The following MTHFSD variants were observed in gnomAD, a reference collection of about 807,000 sequenced individuals.
MTHFSD encodes the protein methenyltetrahydrofolate synthetase domain containing.
In MTHFSD, 37 loss-of-function variants were observed where a neutral mutation model predicts 31.1. That is an observed-to-expected ratio of 1.19 (90% confidence interval 0.91 to 1.56). The LOEUF is 1.56. MTHFSD is among the 40% of genes most tolerant of loss of function. The pLI, the probability that MTHFSD is intolerant of heterozygous loss-of-function variation, is 0.00. For missense variants in MTHFSD, 664 were observed against 510.1 expected (o/e 1.30, Z -2.91); for synonymous variants, 221 against 206.9 (o/e 1.07, Z -0.59).
rs1969995468 is a variant in MTHFSD, at chr16:86,531,607, CT to C, written c.*403del. 6.3e-6 allele frequency: 1 copy of C among 158,342 alleles called. No homozygotes were observed. The highest frequency in any genetic ancestry group is 1.4e-5 in the Non-Finnish European group (1 of 72,336). The allele number at this position is 158,342 out of a possible 1,614,324, so 9.8% of individuals were successfully genotyped here. On this transcript the variant is annotated 3_prime_UTR_variant, in exon 8 of 8. Coordinates refer to ENST00000360900, the MANE Select transcript of MTHFSD (RefSeq NM_001159377.2). The surrounding 1 kb of genome is among the most constrained non-coding windows in gnomAD (Gnocchi z 5.5). ...CCCAGCATCCAGTCCCTGCCAGGGCCTTTTGAGAGCCGGATCCTTTGTTCAT... is the reference window on the plus strand; with the variant it reads ...CCCAGCATCCAGTCCCTGCCAGGGCCTTTGAGAGCCGGATCCTTTGTTCAT...
chr16:86,532,009 G>A lies in MTHFSD; in HGVS notation c.*2C>T. 6.8e-7 allele frequency: 1 copy of A among 1,466,054 alleles called. No homozygotes were observed. The highest frequency in any genetic ancestry group is 1.4e-5 in the South Asian group (1 of 71,662). 90.8% of individuals were successfully genotyped at this position (1,466,054 alleles called of 1,614,324 possible). A position where few individuals can be genotyped will look rare whatever the true frequency, so the allele number is the denominator to read the frequency against. Reference sequence around the variant, plus strand: ...CAGTGAGCTCCGTGGCTGTCCACGAGGTCACTTGTCCCTCTGCTGCCTGGC... The same window carrying A: ...CAGTGAGCTCCGTGGCTGTCCACGAAGTCACTTGTCCCTCTGCTGCCTGGC... On this transcript the variant is annotated 3_prime_UTR_variant, in exon 8 of 8. Transcript: ENST00000360900.
At position 86,532,329 on chromosome 16, in the gene MTHFSD, C is replaced by A; in HGVS notation, c.834G>T (p.Arg278Ser). The change falls in exon 8 of 8, where the codon AGG (arginine) becomes AGT (serine). Residue 278 changes from arginine (R) to serine (S), a missense_variant. Physicochemically the swap from Arg to Ser is moderately radical, Grantham distance 110. Transcript: ENST00000360900. ...QQTVPLSVGR[R>S]PPDTPGPETN... ...TTTCTGGTCCGGGTGTGTCCGGGGG[C>A]CTCCTGCCAACACTCAGGGGCACTG... 6.3e-7 allele frequency: 1 copy of A among 1,595,150 alleles called. No homozygotes were observed. Among genetic ancestry groups the A allele is most frequent in the Non-Finnish European group, 8.5e-7 (1 of 1,171,604 alleles).
At position 86,531,775 on chromosome 16, in the gene MTHFSD, G is replaced by C; in HGVS notation, c.*236C>G. On this transcript the variant is annotated 3_prime_UTR_variant, in exon 8 of 8. Transcript: ENST00000360900. This position sits in a 1 kb window ranked among gnomAD's most constrained non-coding sequence, Gnocchi z 5.5. ...ACCGACTCAAGGCCCGAGCCTGCAC[G>C]ATTGGGAGGCTGCAGTCTCTGCGCG... 5.3e-6 allele frequency: 2 copies of C among 375,874 alleles called. No homozygotes were observed. The highest frequency in any genetic ancestry group is 1.3e-3 in the Middle Eastern group (2 of 1,506). The allele number at this position is 375,874 out of a possible 1,614,324, so 23.3% of individuals were successfully genotyped here. A position where few individuals can be genotyped will look rare whatever the true frequency, so the allele number is the denominator to read the frequency against.
chr16:86,535,103 T>C, intron 7 of MTHFSD: 1 of 424,792 alleles, frequency 2.4e-6, no homozygotes, highest in Non-Finnish European at 3.1e-6. Context: ...GCTCCTTTAT[T>C]CTGAGCCAGC....
intron 7 of MTHFSD, among the ~76,000 whole-genome samples, chr16:86,536,907 C>G (rs550974801): frequency 6.6e-6 from 1 of 152,234 alleles, no homozygotes; most frequent in East Asian, 1.9e-4. Context: ...CGCAGACATG[C>G]TTGAGCTTTC....
chr16:86,541,910 G>T (rs1168410013), intron 6 of MTHFSD, 88 bp from the exon 7 acceptor site: 1 of 1,552,020 alleles, frequency 6.4e-7, no homozygotes. Flanking sequence ...CGTGAGGCTG[G>T]CTAGAGAAGC....
At chr16:86,532,608 C>A in intron 7 of MTHFSD, 127 bp from the exon 8 acceptor site, 1 of 672,672 alleles carries the variant, frequency 1.5e-6, no homozygotes, top group Non-Finnish European at 2.2e-6. Flanking sequence ...GGTCTGAGCC[C>A]CAGGGACATG....
chr16:86,537,355 C>G (rs1597328901), intron 7 of MTHFSD, among the ~76,000 whole-genome samples: 1 of 152,108 alleles, frequency 6.6e-6, no homozygotes, highest in East Asian at 1.9e-4. Flanking sequence ...ACCACATGCA[C>G]TTTCTCCTGC....
intron 4 of MTHFSD, among the ~76,000 whole-genome samples, chr16:86,547,723 AT>A (rs1329960280): frequency 6.6e-6 from 1 of 152,090 alleles, no homozygotes; most frequent in Non-Finnish European, 1.5e-5. Context: ...ATCAAATTCT[AT>A]TTTTGGAATA....
chr16:86,545,672 TC>T (rs760071802), intron 5 of MTHFSD, among the ~76,000 whole-genome samples: 96 of 151,854 alleles, frequency 6.3e-4, no homozygotes, highest in Non-Finnish European at 1.2e-3. Flanking sequence ...AGACTCCCCT[TC>T]CCCCTCCCGT....
chr16:86,551,386 A>G (rs1973121698), intron 3 of MTHFSD, among the ~76,000 whole-genome samples: 1 of 152,242 alleles, frequency 6.6e-6, no homozygotes, highest in South Asian at 2.1e-4. Flanking sequence ...AAGCATCATA[A>G]TACCACAACT....
intron 3 of MTHFSD, among the ~76,000 whole-genome samples, chr16:86,549,564 C>A (rs1388441888): frequency 6.6e-6 from 1 of 152,208 alleles, no homozygotes; most frequent in East Asian, 1.9e-4. Flanking sequence ...GTGTTGGAGT[C>A]CTGTGCCCCA....
intron 3 of MTHFSD, among the ~76,000 whole-genome samples, chr16:86,549,571 C>T (rs1972837895): frequency 6.6e-6 from 1 of 152,176 alleles, no homozygotes; most frequent in Admixed American, 6.5e-5. Flanking sequence ...AGTCCTGTGC[C>T]CCACATATGG....
chr16:86,533,665 C>A (rs945366053), intron 7 of MTHFSD: 65 of 152,222 alleles, frequency 4.3e-4, no homozygotes, highest in African/African-American at 1.5e-3. Context: ...GAGAGAGGAG[C>A]CTTTGTGAGG....
chr16:86,539,603 G>T (rs1971202080), intron 7 of MTHFSD, among the ~76,000 whole-genome samples: 1 of 152,170 alleles, frequency 6.6e-6, no homozygotes, highest in Non-Finnish European at 1.5e-5. Context: ...TGGCCACCTG[G>T]TTTCCTTTCT....
At chr16:86,546,513 T>G in intron 5 of MTHFSD, 46 bp downstream of exon 5, 1 of 1,554,038 alleles carries the variant, frequency 6.4e-7, no homozygotes, top group Non-Finnish European at 8.9e-7. Flanking sequence ...GCAGCCGCCT[T>G]CAGGCAGAGC....
rs779874337 is a variant in MTHFSD at position 86,554,648 on chromosome 16, A to C, written c.120T>G (p.Phe40Leu). 4.3e-6 allele frequency: 7 copies of C among 1,611,996 alleles called. No individual in the cohort carries two copies. Among genetic ancestry groups the C allele is most frequent in the Admixed American group, 1.7e-5 (1 of 59,856 alleles). ...PRPVHHRIPN[F>L]KGSYLACQNI... ...GACTCCAGAAATATGTCAGTACCTTAAAGTTGGGTATCCTGTGATGAACAG... is the reference window on the plus strand; with the variant it reads ...GACTCCAGAAATATGTCAGTACCTTCAAGTTGGGTATCCTGTGATGAACAG... The change falls in exon 2 of 8, where the codon TTT becomes TTG. Residue 40 changes from phenylalanine to leucine, a missense_variant. Physicochemically the swap from Phe to Leu is conservative, Grantham distance 22. Transcript: ENST00000360900.
intron 5 of MTHFSD, among the ~76,000 whole-genome samples, chr16:86,544,534 C>T (rs192099849): frequency 1.3e-4 from 20 of 152,300 alleles, no homozygotes; most frequent in Admixed American, 1.2e-3. Context: ...TGAGACACCA[C>T]CTCATGCCAG....
intron 7 of MTHFSD, 157 bp downstream of exon 7, chr16:86,541,540 A>G: frequency 1.0e-6 from 1 of 983,630 alleles, no homozygotes; most frequent in Non-Finnish European, 1.5e-6. Flanking sequence ...GGGCCTGGAC[A>G]TGGTCATTCA....
Sources: allele counts gnomAD v4.1 joint callset (sites outside exome capture counted in the v4.1 genomes callset), GRCh38; gene constraint gnomAD v4.1.1; non-coding constraint Gnocchi (gnomAD v3.1); transcripts MANE v1.5; gene names NCBI Gene and HGNC (gene_info 2026-07-23, HGNC 2026-07-21).